The following PTPRD variants were observed in gnomAD, a reference collection of about 807,000 sequenced individuals.
PTPRD encodes protein tyrosine phosphatase receptor type D.
A neutral mutation model predicts 214.5 loss-of-function variants in PTPRD; 34 were observed. The observed-to-expected ratio is 0.16, with a 90% CI of 0.12 to 0.21. The LOEUF is 0.21. Ranked by LOEUF, PTPRD falls within the 10% of genes least tolerant of loss-of-function variation. The pLI is 1.00. For synonymous variants in PTPRD, 1,128 were observed against 845.7 expected (o/e 1.33, Z -5.79); for missense variants, 2,545 against 2,398.7 (o/e 1.06, Z -1.27).
intron 27 of PTPRD, among the ~76,000 whole-genome samples, chr9:8,490,338 G>T (rs1484443549): frequency 6.6e-6 from 1 of 151,988 alleles, no homozygotes; most frequent in African/African-American, 2.4e-5. Flanking sequence ...CGTATGTGTG[G>T]TTGCCCTTTA....
intron 7 of PTPRD, among the ~76,000 whole-genome samples, chr9:9,642,411 A>G (rs1036170064): frequency 2.0e-5 from 3 of 151,736 alleles, no homozygotes; most frequent in African/African-American, 4.9e-5. Flanking sequence ...AACTTAAAGT[A>G]TAATAAAAAA....
intron 8 of PTPRD, among the ~76,000 whole-genome samples, chr9:9,434,359 A>G (rs1423661926): frequency 6.6e-6 from 1 of 152,162 alleles, no homozygotes; most frequent in Non-Finnish European, 1.5e-5. Flanking sequence ...TAAACGAAAT[A>G]GAAGGAAAGA....
intron 5 of PTPRD, among the ~76,000 whole-genome samples, chr9:9,917,220 ATAC>A (rs2081117657): frequency 6.7e-6 from 1 of 149,762 alleles, no homozygotes; most frequent in Admixed American, 6.7e-5. Context: ...AACAAAATTG[ATAC>A]TAAAAAAATT....
chr9:8,707,193 G>A (rs1008522532), intron 12 of PTPRD, among the ~76,000 whole-genome samples: 5 of 152,078 alleles, frequency 3.3e-5, no homozygotes, highest in Admixed American at 6.5e-5. Context: ...GGTATATTAC[G>A]GAACTGCCAG....
chr9:9,019,280 AGAAG>A, intron 10 of PTPRD, among the ~76,000 whole-genome samples: 1 of 141,000 alleles, frequency 7.1e-6, no homozygotes, highest in Non-Finnish European at 1.5e-5. Context: ...AGAAAAAGAA[AGAAG>A]AAAGAAAGAA....
chr9:9,670,221 G>T (rs940406452), intron 7 of PTPRD, among the ~76,000 whole-genome samples: 5 of 152,158 alleles, frequency 3.3e-5, no homozygotes, highest in African/African-American at 1.2e-4. Context: ...TGAGGGGAAT[G>T]ATATGGTTTG....
intron 7 of PTPRD, among the ~76,000 whole-genome samples, chr9:9,577,834 T>C (rs950818204): frequency 3.3e-5 from 5 of 151,676 alleles, no homozygotes; most frequent in African/African-American, 1.2e-4. Context: ...TCACCTGAGG[T>C]TGGGAGTTCA....
At chr9:9,839,877 C>A (rs1421873126) in intron 5 of PTPRD, among the ~76,000 whole-genome samples, 1 of 151,938 alleles carries the variant, frequency 6.6e-6, no homozygotes, top group South Asian at 2.1e-4. Flanking sequence ...ATCAATAAAT[C>A]TAATATTTAT....
intron 3 of PTPRD, among the ~76,000 whole-genome samples, chr9:10,071,529 T>C (rs1439517181): frequency 1.3e-5 from 2 of 152,032 alleles, no homozygotes; most frequent in African/African-American, 4.8e-5. Context: ...GAGAAAATCA[T>C]TACCAGAAAT....
At chr9:8,848,322 T>C (rs373942874) in intron 11 of PTPRD, among the ~76,000 whole-genome samples, 66,717 of 139,384 alleles carry the variant, frequency 0.48, 17,031 homozygotes, top group African/African-American at 0.71. Context: ...CCTTTTTTTT[T>C]TTTTTTTTTT....
At chr9:10,540,075 G>A (rs2058750156) in intron 2 of PTPRD, among the ~76,000 whole-genome samples, 2 of 152,070 alleles carry the variant, frequency 1.3e-5, no homozygotes, top group Non-Finnish European at 2.9e-5. Flanking sequence ...GTTATTTTGA[G>A]GTTGGAGTGC....
chr9:10,128,134 T>G (rs939183020), intron 3 of PTPRD, among the ~76,000 whole-genome samples: 1 of 152,132 alleles, frequency 6.6e-6, no homozygotes, highest in East Asian at 1.9e-4. Flanking sequence ...CAATGTTCTG[T>G]ATCACTTCCC....
rs142248830 is a variant in PTPRD, at chr9:8,608,031, G to A, written c.352+25286C>T. Among the ~76,000 whole-genome samples, 443 of 152,142 alleles carry A rather than the reference G, an allele frequency of 2.9e-3. 1 individual carries two copies. The highest frequency in any genetic ancestry group is 9.7e-3 in the African/African-American group (404 of 41,504). On this transcript the variant is annotated intron_variant, in intron 14 of 45. Transcript: ENST00000381196. ...ATTACAGGATGTCAGCTTTTACGACGCACTGCATTCTAATCCGATAACCCA... is the reference window on the plus strand; with the variant it reads ...ATTACAGGATGTCAGCTTTTACGACACACTGCATTCTAATCCGATAACCCA...
chr9:10,011,507 T>C (rs1397946582), intron 4 of PTPRD, among the ~76,000 whole-genome samples: 16 of 152,002 alleles, frequency 1.1e-4, no homozygotes, highest in Non-Finnish European at 1.5e-5. Context: ...TTGACTCCTC[T>C]ACTTTATTTA....
At position 9,397,444 on chromosome 9, in the gene PTPRD, C is replaced by G. The variant is rs1009311215; in HGVS notation, c.-203+5G>C. On this transcript the variant is annotated splice_donor_5th_base_variant and intron_variant, in intron 9 of 45. Coordinates refer to ENST00000381196, the MANE Select transcript of PTPRD (RefSeq NM_002839.4). ...GCAGACATAAGATGAGCAAAATAAA[C>G]TTACCACAGTTGTTCAGTTAATGGA... is the stretch of plus-strand genomic sequence containing the variant. 1 of 152,304 alleles carries G rather than the reference C, an allele frequency of 6.6e-6. No individual in the cohort carries two copies. Among genetic ancestry groups the G allele is most frequent in the South Asian group, 2.1e-4 (1 of 4,832 alleles). The allele number at this position is 152,304 out of a possible 1,614,324, so 9.4% of individuals were successfully genotyped here.
intron 8 of PTPRD, among the ~76,000 whole-genome samples, chr9:9,561,986 G>T (rs2083085932): frequency 1.3e-5 from 2 of 151,920 alleles, no homozygotes; most frequent in Non-Finnish European, 2.9e-5. Context: ...TAATCTTCTG[G>T]ACTGACATTT....
rs189092282 is a variant in PTPRD at position 8,868,146 on chromosome 9, A to G, written c.-103-134200T>C. On this transcript the variant is annotated intron_variant, in intron 11 of 45. Coordinates refer to ENST00000381196, the MANE Select transcript of PTPRD (RefSeq NM_002839.4). The stretch of plus-strand genomic sequence containing the variant: ...AAACATATGTGCCCAGCCCACGCAT[A>G]CTAGCTGAACTGGATTCTCTGGGAG... Among the ~76,000 whole-genome samples, 288 of 152,154 alleles carry G rather than the reference A, an allele frequency of 1.9e-3. 1 individual carries two copies. Among genetic ancestry groups the G allele is most frequent in the Non-Finnish European group, 3.7e-3 (254 of 67,996 alleles).
intron 31 of PTPRD, among the ~76,000 whole-genome samples, chr9:8,469,943 A>T (rs2096619983): frequency 6.6e-6 from 1 of 152,142 alleles, no homozygotes. Flanking sequence ...AGACATAGAT[A>T]TGAAATAAGC....
intron 8 of PTPRD, among the ~76,000 whole-genome samples, chr9:9,470,437 G>A (rs957198761): frequency 6.6e-6 from 1 of 152,174 alleles, no homozygotes; most frequent in East Asian, 1.9e-4. Flanking sequence ...TTGTTATTTA[G>A]CAGAAACTTT....
Sources: gnomAD v4.1 joint callset for allele counts (sites outside exome capture counted in the v4.1 genomes callset) on GRCh38, gnomAD v4.1.1 for gene constraint, MANE v1.5 for transcripts, NCBI Gene and HGNC (gene_info 2026-07-23, HGNC 2026-07-21) for gene names.